PTPRG: variants seen among roughly 807,000 people sequenced by gnomAD.
PTPRG encodes the protein receptor-type tyrosine-protein phosphatase gamma.
PTPRG carries 102 observed loss-of-function variants against 165.3 expected under a neutral mutation model. That is an observed-to-expected ratio of 0.62 (90% confidence interval 0.53 to 0.73). The LOEUF (loss-of-function observed/expected upper bound fraction) is 0.73, where lower values mean the gene tolerates loss of function less well. Among genes scored for constraint, PTPRG ranks in the 30% least tolerant of loss-of-function variants. The probability of loss-of-function intolerance (pLI) is 0.00; values close to 1 mark genes in which losing one functional copy is unlikely to be tolerated. For missense variants in PTPRG, 1,866 were observed against 1,861.4 expected (o/e 1.00, Z -0.05); for synonymous variants, 675 against 669.5 (o/e 1.01, Z -0.13).
Position 62,231,216 on chromosome 3 carries a change from T to C in PTPRG, c.2289-9T>C. 1 of 1,536,944 alleles carries C rather than the reference T, an allele frequency of 6.5e-7. No homozygotes were observed. On this transcript the variant is annotated splice_polypyrimidine_tract_variant and intron_variant, in intron 13 of 29. Coordinates refer to ENST00000474889, the MANE Select transcript of PTPRG (RefSeq NM_002841.4). Reference sequence around the variant, plus strand: ...TACACCTGTTCTCTTTTGTTTTTTGTCCATTTAGAGGGTGTAACAAAATAA... The same window carrying C: ...TACACCTGTTCTCTTTTGTTTTTTGCCCATTTAGAGGGTGTAACAAAATAA...
intron 1 of PTPRG, among the ~76,000 whole-genome samples, chr3:61,584,755 C>T (rs1314001217): frequency 1.3e-5 from 2 of 152,100 alleles, no homozygotes; most frequent in Admixed American, 6.5e-5. Context: ...GTAATCACAG[C>T]TCCATTGAGT....
intron 5 of PTPRG, among the ~76,000 whole-genome samples, chr3:62,130,630 T>C (rs1440055385): frequency 6.6e-6 from 1 of 152,212 alleles, no homozygotes; most frequent in Admixed American, 6.5e-5. Context: ...GGGATCCTTA[T>C]TTTATTCTAT....
chr3:62,069,682 T>TCA (rs1315675844), intron 4 of PTPRG, among the ~76,000 whole-genome samples: 31 of 144,252 alleles, frequency 2.1e-4, no homozygotes, highest in African/African-American at 7.2e-4. Context: ...TCTCTCTCTC[T>TCA]CTCACACACA....
chr3:61,709,215 G>A (rs1421536463), intron 1 of PTPRG, among the ~76,000 whole-genome samples: 2 of 152,332 alleles, frequency 1.3e-5, no homozygotes, highest in African/African-American at 2.4e-5. Context: ...CAGCTAATGC[G>A]TGTGACATGT....
At chr3:61,756,887 G>T (rs1006182242) in intron 2 of PTPRG, among the ~76,000 whole-genome samples, 1 of 152,118 alleles carries the variant, frequency 6.6e-6, no homozygotes, top group African/African-American at 2.4e-5. Context: ...TGAAGGTAGT[G>T]GGGTGATGGA....
intron 2 of PTPRG, among the ~76,000 whole-genome samples, chr3:61,967,965 C>T (rs1475845231): frequency 6.6e-6 from 1 of 152,034 alleles, no homozygotes; most frequent in Non-Finnish European, 1.5e-5. Context: ...AGTTTAGATA[C>T]AAAATTTTGG....
chr3:61,947,715 A>AT (rs1441576048), intron 2 of PTPRG, among the ~76,000 whole-genome samples: 1 of 152,190 alleles, frequency 6.6e-6, no homozygotes, highest in Non-Finnish European at 1.5e-5. Context: ...GGCCCCTGGC[A>AT]TTACTGGGCT....
At chr3:61,729,928 T>A (rs2106829571) in intron 1 of PTPRG, among the ~76,000 whole-genome samples, 1 of 152,316 alleles carries the variant, frequency 6.6e-6, no homozygotes, top group African/African-American at 2.4e-5. Context: ...TGGAAATGCC[T>A]AGATATGTGA....
intron 1 of PTPRG, among the ~76,000 whole-genome samples, chr3:61,706,258 C>T (rs938943878): frequency 2.0e-5 from 3 of 152,106 alleles, no homozygotes; most frequent in South Asian, 2.1e-4. Flanking sequence ...TGGGAGCCGT[C>T]CCATTGAGTA....
intron 2 of PTPRG, among the ~76,000 whole-genome samples, chr3:61,821,423 C>T (rs2035954374): frequency 6.6e-6 from 1 of 152,224 alleles, no homozygotes; most frequent in Non-Finnish European, 1.5e-5. Context: ...CCCGCCTCGG[C>T]CTCCCAAAGT....
intron 4 of PTPRG, among the ~76,000 whole-genome samples, chr3:62,045,172 A>G (rs1700249368): frequency 6.6e-6 from 1 of 152,142 alleles, no homozygotes; most frequent in Non-Finnish European, 1.5e-5. Flanking sequence ...AGATGATGCA[A>G]ACCGTCTTAG....
chr3:61,562,979 A>T (rs1487119795), intron 1 of PTPRG, among the ~76,000 whole-genome samples: 1 of 152,166 alleles, frequency 6.6e-6, no homozygotes, highest in East Asian at 1.9e-4. Context: ...CGCGGGCAGC[A>T]CTTCGGTGCC....
At chr3:61,724,472 T>A (rs759430868) in intron 1 of PTPRG, among the ~76,000 whole-genome samples, 2 of 152,110 alleles carry the variant, frequency 1.3e-5, no homozygotes, top group Non-Finnish European at 2.9e-5. Flanking sequence ...CGTTTTTGGA[T>A]GATCATAAGT....
chr3:61,966,230 G>A (rs1421429396), intron 2 of PTPRG, among the ~76,000 whole-genome samples: 3 of 152,164 alleles, frequency 2.0e-5, no homozygotes, highest in African/African-American at 4.8e-5. Context: ...TTTTGATGCT[G>A]TGGAATGTGT....
chr3:62,164,387 C>A (rs1704886271), intron 7 of PTPRG, among the ~76,000 whole-genome samples: 1 of 152,168 alleles, frequency 6.6e-6, no homozygotes, highest in South Asian at 2.1e-4. Context: ...TTTTAACTCA[C>A]TGGCCAAGCA....
intron 1 of PTPRG, among the ~76,000 whole-genome samples, chr3:61,684,966 G>C (rs774408459): frequency 6.6e-6 from 1 of 152,074 alleles, no homozygotes; most frequent in Non-Finnish European, 1.5e-5. Context: ...TTTAACCCAA[G>C]TCTAGTCTCC....
At chr3:61,768,222 G>A (rs2034096142) in intron 2 of PTPRG, among the ~76,000 whole-genome samples, 2 of 152,088 alleles carry the variant, frequency 1.3e-5, no homozygotes. Flanking sequence ...ACAACTAATC[G>A]TGAACTTATA....
At chr3:61,858,529 G>A (rs923512161) in intron 2 of PTPRG, among the ~76,000 whole-genome samples, 1 of 152,072 alleles carries the variant, frequency 6.6e-6, no homozygotes, top group Non-Finnish European at 1.5e-5. Context: ...GATTAACTTT[G>A]ATGTCAATTA....
intron 2 of PTPRG, among the ~76,000 whole-genome samples, chr3:61,936,646 A>AT (rs1210363422): frequency 1.3e-4 from 20 of 152,114 alleles, no homozygotes; most frequent in Admixed American, 3.9e-4. Flanking sequence ...TGTAGCTCCA[A>AT]TTTTTTCCTT....
Sources: gnomAD v4.1 joint callset for allele counts (sites outside exome capture counted in the v4.1 genomes callset) on GRCh38, gnomAD v4.1.1 for gene constraint, MANE v1.5 for transcripts, NCBI Gene and HGNC (gene_info 2026-07-23, HGNC 2026-07-21) for gene names.